Variants in BCL7A observed in about 807,000 individuals in gnomAD.
BCL7A encodes the protein BAF chromatin remodeling complex subunit BCL7A.
A neutral mutation model predicts 28.4 loss-of-function variants in BCL7A; 11 were observed. The ratio of observed to expected loss-of-function variants is 0.39; its 90% CI spans 0.24 to 0.64. BCL7A has a LOEUF of 0.64. BCL7A is among the 30% of genes least tolerant of loss of function. The pLI is 0.50. For synonymous variants in BCL7A, 123 were observed against 103.3 expected (o/e 1.19, Z -1.15); for missense variants, 222 against 274.8 (o/e 0.81, Z 1.36).
At chr12:122,024,462 GTTT>G (rs59459424) in intron 1 of BCL7A, among the ~76,000 whole-genome samples, 1 of 88,678 alleles carries the variant, frequency 1.1e-5, no homozygotes. Flanking sequence ...GAGGTTTTTT[GTTT>G]TTTTTTTTTT....
At position 122,021,972 on chromosome 12, in the gene BCL7A, G is replaced by A; in HGVS notation, c.-120G>A. The A allele has an allele frequency of 1.4e-6, 1 of 702,766 alleles. No individual in the cohort carries two copies. The highest frequency in any genetic ancestry group is 2.4e-5 in the Admixed American group (1 of 42,500). The allele number at this position is 702,766 out of a possible 1,614,324, so 43.5% of individuals were successfully genotyped here. On this transcript the variant is annotated 5_prime_UTR_variant, in exon 1 of 6. Coordinates refer to ENST00000261822, the MANE Select transcript of BCL7A (RefSeq NM_001024808.3). ...TGTGTGTGTGTGAGTGTGTGCGTGT[G>A]AGAGTGCGAGTGTCTGTGCGCGAGT... is the stretch of plus-strand genomic sequence containing the variant.
chr12:122,054,902 C>A lies in BCL7A; in HGVS notation c.537C>A (p.Ala179=), dbSNP rs752759593. ...DRQPSGDSGL[A]AETSAISQDL... is the part of the protein sequence containing the mutation. Reference sequence around the variant, plus strand: ...AGCCGTCTGGAGACTCGGGTCTGGCCGCAGAGACGTCTGCAATCTCTCAGG... The same window carrying A: ...AGCCGTCTGGAGACTCGGGTCTGGCAGCAGAGACGTCTGCAATCTCTCAGG... Residue 179 remains alanine (A), a synonymous_variant, in exon 5 of 6, where the codon GCC becomes GCA. Transcript: ENST00000261822. 2.9e-5 allele frequency: 46 copies of A among 1,614,024 alleles called. No homozygotes were observed. Among genetic ancestry groups the A allele is most frequent in the Non-Finnish European group, 3.5e-5 (41 of 1,180,036 alleles).
chr12:122,035,472 C>G (rs1359745933), intron 3 of BCL7A, 45 bp downstream of exon 3: 1 of 1,527,294 alleles, frequency 6.5e-7, no homozygotes, highest in South Asian at 1.1e-5. Flanking sequence ...AGCCCGGGGC[C>G]TTGGCCAAGC....
rs1951918247 is a variant in BCL7A at position 122,061,215 on chromosome 12, A to G, written c.*2052A>G. 2 of 229,604 alleles carry G rather than the reference A, an allele frequency of 8.7e-6. No individual in the cohort carries two copies. Among genetic ancestry groups the G allele is most frequent in the Non-Finnish European group, 8.6e-6 (1 of 115,932 alleles). The allele number at this position is 229,604 out of a possible 1,614,324, so 14.2% of individuals were successfully genotyped here. Reference sequence around the variant, plus strand: ...GGAAACGAGAGGCTACAACCAAGACAGCTGAAGGAGAATGAAACACACACA... The same window carrying G: ...GGAAACGAGAGGCTACAACCAAGACGGCTGAAGGAGAATGAAACACACACA... On this transcript the variant is annotated 3_prime_UTR_variant, in exon 6 of 6. Transcript: ENST00000261822.
intron 5 of BCL7A, among the ~76,000 whole-genome samples, chr12:122,055,809 G>A (rs1189058874): frequency 6.6e-6 from 1 of 152,102 alleles, no homozygotes; most frequent in East Asian, 1.9e-4. Flanking sequence ...AGTAGAGATG[G>A]GTTTCACCAT....
intron 3 of BCL7A, among the ~76,000 whole-genome samples, chr12:122,043,312 C>T (rs958582070): frequency 1.6e-4 from 24 of 151,252 alleles, no homozygotes; most frequent in Admixed American, 4.7e-4. Context: ...TGCCTCCAGA[C>T]GCAGGGTACA....
At chr12:122,052,856 T>C (rs1884219627) in intron 4 of BCL7A, among the ~76,000 whole-genome samples, 1 of 88,800 alleles carries the variant, frequency 1.1e-5, no homozygotes, top group Non-Finnish European at 2.2e-5. Flanking sequence ...CTTACTTTTG[T>C]ATTTTTTTAG....
At chr12:122,034,110 G>T (rs55929316) in intron 2 of BCL7A, among the ~76,000 whole-genome samples, 30,893 of 144,400 alleles carry the variant, frequency 0.21, 4,015 homozygotes, top group East Asian at 0.47. Flanking sequence ...GTAAATACAC[G>T]CATGCACATA....
intron 1 of BCL7A, among the ~76,000 whole-genome samples, chr12:122,024,200 T>C (rs966037630): frequency 3.3e-5 from 5 of 152,202 alleles, no homozygotes; most frequent in Non-Finnish European, 7.3e-5. Context: ...ACACATCGTG[T>C]CCTCTGAAGA....
Position 122,060,496 on chromosome 12 carries a change from C to T in BCL7A, c.*1333C>T, listed in dbSNP as rs959400710. On this transcript the variant is annotated 3_prime_UTR_variant, in exon 6 of 6. Coordinates refer to ENST00000261822, the MANE Select transcript of BCL7A (RefSeq NM_001024808.3). ...AGCTTCCTCTCACTGAACGGAGACG[C>T]CCCCTTGGACGAACTGCCTAATCGT... 8.6e-6 allele frequency: 2 copies of T among 233,148 alleles called. No individual in the cohort carries two copies. Among genetic ancestry groups the T allele is most frequent in the African/African-American group, 4.4e-5 (2 of 45,310 alleles). The allele number at this position is 233,148 out of a possible 1,614,324, so 14.4% of individuals were successfully genotyped here. A position where few individuals can be genotyped will look rare whatever the true frequency, so the allele number is the denominator to read the frequency against.
intron 1 of BCL7A, among the ~76,000 whole-genome samples, chr12:122,028,235 G>A (rs1883670941): frequency 6.6e-6 from 1 of 152,208 alleles, no homozygotes; most frequent in Non-Finnish European, 1.5e-5. Context: ...GAGGTTGCCA[G>A]TTGGGGCAAA....
At position 122,051,866 on chromosome 12, in the gene BCL7A, C is replaced by CTTTT. The variant is rs34244407; in HGVS notation, c.440-2917_440-2914dup. ...ACAATAACATGATTTCTCTCTCTCT[C>CTTTT]TTTTTTTTTTTTTTTTTTTTTTTTT... On this transcript the variant is annotated intron_variant, in intron 4 of 5. Coordinates refer to ENST00000261822, the MANE Select transcript of BCL7A (RefSeq NM_001024808.3). 4.0e-3 allele frequency among the ~76,000 whole-genome samples: 324 copies of CTTTT among 80,338 alleles called. 13 individuals carry two copies. Among genetic ancestry groups the CTTTT allele is most frequent in the African/African-American group, 5.3e-3 (107 of 20,130 alleles). 52.7% of individuals were successfully genotyped at this position (80,338 alleles called of 152,430 possible). A position where few individuals can be genotyped will look rare whatever the true frequency, so the allele number is the denominator to read the frequency against.
chr12:122,022,771 G>A (rs2135833591), intron 1 of BCL7A, among the ~76,000 whole-genome samples: 1 of 151,280 alleles, frequency 6.6e-6, no homozygotes, highest in African/African-American at 2.4e-5. Flanking sequence ...AGCGCGAGCC[G>A]TTTAAATTTA....
chr12:122,041,122 C>T lies in BCL7A; in HGVS notation c.272-2764C>T, dbSNP rs975877870. ...CAGATCCAGGTTACCCGTGTGGGGC[C>T]GCCTGACTGCCTGGTGCTTCCTCGG... On this transcript the variant is annotated intron_variant, in intron 3 of 5. Transcript: ENST00000261822. Among the ~76,000 whole-genome samples the T allele has an allele frequency of 4.6e-5, 7 of 152,172 alleles. No individual in the cohort carries two copies. In the East Asian group the frequency reaches 7.7e-4, roughly 17 times the overall value.
chr12:122,059,355 A>G lies in BCL7A; in HGVS notation c.*192A>G, dbSNP rs1169192962. On this transcript the variant is annotated 3_prime_UTR_variant, in exon 6 of 6. Transcript: ENST00000261822. The surrounding 1 kb of genome is among the most constrained non-coding windows in gnomAD (Gnocchi z 4.0). ...CACTGAAGAACTCTGCTGTGAAGCA[A>G]AACACTCAAACCTTTAAGGGACTGT... 1 of 560,302 alleles carries G rather than the reference A, an allele frequency of 1.8e-6. No individual in the cohort carries two copies. The highest frequency in any genetic ancestry group is 3.2e-6 in the Non-Finnish European group (1 of 314,222). The allele number at this position is 560,302 out of a possible 1,614,324, so 34.7% of individuals were successfully genotyped here.
At chr12:122,053,299 G>A (rs925273963) in intron 4 of BCL7A, among the ~76,000 whole-genome samples, 37 of 152,284 alleles carry the variant, frequency 2.4e-4, no homozygotes, top group Non-Finnish European at 3.8e-4. Context: ...CCCGGCCAGG[G>A]CTCCTAGTCT....
At chr12:122,056,489 A>G (rs1021751893) in intron 5 of BCL7A, among the ~76,000 whole-genome samples, 2 of 152,102 alleles carry the variant, frequency 1.3e-5, no homozygotes, top group African/African-American at 4.8e-5. Flanking sequence ...AGTAAAGCAG[A>G]CAGCCTGACA....
intron 5 of BCL7A, among the ~76,000 whole-genome samples, chr12:122,055,189 A>T (rs1951868702): frequency 6.6e-6 from 1 of 152,200 alleles, no homozygotes; most frequent in African/African-American, 2.4e-5. Flanking sequence ...CCTTGAACCC[A>T]GCCTCGGCTG....
At chr12:122,031,789 G>C (rs1214943377) in intron 2 of BCL7A, among the ~76,000 whole-genome samples, 1 of 152,192 alleles carries the variant, frequency 6.6e-6, no homozygotes, top group Non-Finnish European at 1.5e-5. Context: ...TCCACCACTA[G>C]AGGGAATGCG....
Sources: allele counts gnomAD v4.1 joint callset (sites outside exome capture counted in the v4.1 genomes callset), GRCh38; gene constraint gnomAD v4.1.1; non-coding constraint Gnocchi (gnomAD v3.1); transcripts MANE v1.5; gene names NCBI Gene and HGNC (gene_info 2026-07-23, HGNC 2026-07-21).